CALN1: variants seen among roughly 807,000 people sequenced by gnomAD.
CALN1 encodes the protein calneuron 1, also known as calcium-binding protein 8.
CALN1 carries 17 observed loss-of-function variants against 30.6 expected under a neutral mutation model. That is an observed-to-expected ratio of 0.56 (90% CI 0.38 to 0.83). The LOEUF (loss-of-function observed/expected upper bound fraction) is 0.83, where lower values mean the gene tolerates loss of function less well. CALN1 is among the 40% of genes least tolerant of loss of function. The pLI, the probability that CALN1 is intolerant of heterozygous loss-of-function variation, is 0.00. For missense variants in CALN1, 291 were observed against 354.9 expected, an observed-to-expected ratio of 0.82 and a Z score of 1.45; for synonymous variants, 156 against 131.4, an observed-to-expected ratio of 1.19 and a Z score of -1.28.
intron 2 of CALN1, among the ~76,000 whole-genome samples, chr7:72,335,551 G>A (rs1801963003): frequency 2.0e-5 from 3 of 152,124 alleles, no homozygotes; most frequent in Non-Finnish European, 2.9e-5. Context: ...CACAGCCGGC[G>A]CTAAGCTGCT....
At chr7:72,461,405 C>A in the CALN1 span, among the ~76,000 whole-genome samples, 1 of 152,168 alleles carries the variant, frequency 6.6e-6, no homozygotes, top group Non-Finnish European at 1.5e-5. Flanking sequence ...GGAATCAACC[C>A]AGTTGCCCAT....
intron 5 of CALN1, among the ~76,000 whole-genome samples, chr7:71,883,038 C>A (rs1292058835): frequency 6.6e-6 from 1 of 152,144 alleles, no homozygotes; most frequent in Admixed American, 6.5e-5. Context: ...CCTTTGATAG[C>A]ACTTATTATT....
chr7:71,934,512 G>C (rs1795728396), intron 5 of CALN1, among the ~76,000 whole-genome samples: 1 of 152,194 alleles, frequency 6.6e-6, no homozygotes, highest in Admixed American at 6.5e-5. Flanking sequence ...AAGGCAAAGG[G>C]GGAACAGGTG....
chr7:72,068,145 A>G (rs1804150723), intron 4 of CALN1, among the ~76,000 whole-genome samples: 1 of 152,212 alleles, frequency 6.6e-6, no homozygotes, highest in Non-Finnish European at 1.5e-5. Context: ...ACGATGGGGC[A>G]GGGTGAGGGG....
intron 4 of CALN1, among the ~76,000 whole-genome samples, chr7:72,095,328 T>A (rs1806146837): frequency 6.6e-6 from 1 of 152,156 alleles, no homozygotes; most frequent in Non-Finnish European, 1.5e-5. Context: ...CCAGGGTTAT[T>A]ATTGGGGTCC....
chr7:71,792,408 T>C (rs1261871190), intron 6 of CALN1, among the ~76,000 whole-genome samples: 1 of 152,166 alleles, frequency 6.6e-6, no homozygotes, highest in Admixed American at 6.5e-5. Flanking sequence ...ATCCACTGAT[T>C]TCTGCTTCCC....
chr7:72,058,727 G>A (rs921522465), intron 4 of CALN1, among the ~76,000 whole-genome samples: 2 of 152,158 alleles, frequency 1.3e-5, no homozygotes, highest in African/African-American at 2.4e-5. Flanking sequence ...TGAAATAGTG[G>A]AGAAGAATAA....
chr7:72,493,151 G>A, the CALN1 span, among the ~76,000 whole-genome samples: 10 of 151,686 alleles, frequency 6.6e-5, no homozygotes, highest in South Asian at 2.1e-4. Flanking sequence ...CCATCTCCCC[G>A]GGTCTCCCAC....
At chr7:72,075,404 G>T (rs1804661852) in intron 4 of CALN1, among the ~76,000 whole-genome samples, 1 of 152,200 alleles carries the variant, frequency 6.6e-6, no homozygotes, top group East Asian at 1.9e-4. Flanking sequence ...AAGTTAAAAT[G>T]CATAGGCTGG....
intron 3 of CALN1, among the ~76,000 whole-genome samples, chr7:72,274,385 G>A (rs1797202993): frequency 1.3e-5 from 2 of 151,914 alleles, no homozygotes. Context: ...GCACATGCCT[G>A]TAATCCTAGC....
intron 1 of CALN1, among the ~76,000 whole-genome samples, chr7:72,418,300 T>C (rs1266788632): frequency 6.6e-6 from 1 of 152,224 alleles, no homozygotes; most frequent in Non-Finnish European, 1.5e-5. Flanking sequence ...CATGATCTCA[T>C]TCTTTTTCAT....
chr7:72,027,736 C>A (rs200470018), intron 4 of CALN1, among the ~76,000 whole-genome samples: 13 of 119,524 alleles, frequency 1.1e-4, no homozygotes, highest in East Asian at 5.2e-4. Flanking sequence ...AACACACACA[C>A]ACACACACAC....
chr7:72,209,207 TCC>T (rs1792151550), intron 3 of CALN1, among the ~76,000 whole-genome samples: 12 of 105,172 alleles, frequency 1.1e-4, no homozygotes, highest in Admixed American at 2.1e-4. Flanking sequence ...CCTCCTTCCC[TCC>T]TTCCTTCCCT....
intron 3 of CALN1, among the ~76,000 whole-genome samples, chr7:72,151,599 A>G: frequency 6.6e-6 from 1 of 152,138 alleles, no homozygotes; most frequent in East Asian, 1.9e-4. Flanking sequence ...GACCCTTTCC[A>G]ATGCGCTACC....
At chr7:72,281,021 G>C (rs1049497892) in intron 2 of CALN1, among the ~76,000 whole-genome samples, 1 of 151,962 alleles carries the variant, frequency 6.6e-6, no homozygotes, top group Admixed American at 6.6e-5. Flanking sequence ...GTGCACACCT[G>C]TAATCTCAGC....
chr7:72,173,389 A>G (rs1789112795), intron 3 of CALN1, among the ~76,000 whole-genome samples: 1 of 152,102 alleles, frequency 6.6e-6, no homozygotes, highest in African/African-American at 2.4e-5. Flanking sequence ...AATTTCCCCA[A>G]TTGATTACAG....
intron 2 of CALN1, among the ~76,000 whole-genome samples, chr7:72,400,859 C>T (rs1002357493): frequency 2.0e-5 from 3 of 152,188 alleles, no homozygotes; most frequent in East Asian, 1.9e-4. Context: ...CTCTCCTGGG[C>T]TTCTGTCCCT....
At position 72,226,812 on chromosome 7, in the gene CALN1, G is replaced by A. The variant is rs966170601; in HGVS notation, c.244+51874C>T. 3.3e-5 allele frequency among the ~76,000 whole-genome samples: 5 copies of A among 152,286 alleles called. 1 individual carries two copies. The highest frequency in any genetic ancestry group is 2.0e-4 in the Admixed American group (3 of 15,294). ...AATTCCAGCACTTTGGGAGGCCAAGGTGAGCAGATGCCTTGAGGTCAGGAG... is the reference window on the plus strand; with the variant it reads ...AATTCCAGCACTTTGGGAGGCCAAGATGAGCAGATGCCTTGAGGTCAGGAG... On this transcript the variant is annotated intron_variant, in intron 3 of 6. Coordinates refer to ENST00000395275, the MANE Select transcript of CALN1 (RefSeq NM_031468.4).
chr7:72,051,894 G>A (rs1432148012), intron 4 of CALN1, among the ~76,000 whole-genome samples: 3 of 152,078 alleles, frequency 2.0e-5, no homozygotes, highest in East Asian at 1.9e-4. Flanking sequence ...ATCCTTTCTC[G>A]ACAAAGTAAG....
Sources: allele counts gnomAD v4.1 joint callset (sites outside exome capture counted in the v4.1 genomes callset), GRCh38; gene constraint gnomAD v4.1.1; transcripts MANE v1.5; gene names NCBI Gene and HGNC (gene_info 2026-07-23, HGNC 2026-07-21).